BTNL2: variants seen among roughly 807,000 people sequenced by gnomAD.
BTNL2 encodes butyrophilin like 2.
BTNL2 carries 46 observed loss-of-function variants against 46.8 expected under a neutral mutation model. The ratio of observed to expected loss-of-function variants is 0.98; its 90% CI spans 0.78 to 1.26. BTNL2 has a LOEUF of 1.26. Ranked by LOEUF, BTNL2 falls within the 50% of genes most tolerant of loss-of-function variation. BTNL2 has a pLI of 0.00. For synonymous variants in BTNL2, 226 were observed against 229.1 expected, an observed-to-expected ratio of 0.99 and a Z score of 0.12; for missense variants, 461 against 592.6, an observed-to-expected ratio of 0.78 and a Z score of 2.31.
Position 32,400,755 on chromosome 6 carries a change from A to AAAAAAAAAAC in BTNL2, c.730+1029_730+1030insGTTTTTTTTT, listed in dbSNP as rs1776709608. Among the ~76,000 whole-genome samples the AAAAAAAAAAC allele has an allele frequency of 2.1e-5, 3 of 140,294 alleles. No individual in the cohort carries two copies. In the East Asian group the frequency reaches 6.4e-4, roughly 30 times the overall value. The allele number at this position is 140,294 out of a possible 152,430, so 92.0% of individuals were successfully genotyped here. Reference sequence around the variant, plus strand: ...AAACCCCGTCTCTACTAAAAAAAAAAAAAAAAAATTAGCTGGGTGTGGTGG... The same window carrying AAAAAAAAAAC: ...AAACCCCGTCTCTACTAAAAAAAAAAAAAAAAAAACAAAAAAAATTAGCTGGGTGTGGTGG... On this transcript the variant is annotated intron_variant, in intron 4 of 7. Coordinates refer to ENST00000454136, the MANE Select transcript of BTNL2 (RefSeq NM_001304561.2).
chr6:32,395,153 C>T (rs12528939), intron 5 of BTNL2, 128 bp from the exon 6 acceptor site: 108,908 of 869,476 alleles, frequency 0.13, 7,581 homozygotes, highest in Non-Finnish European at 0.13. Context: ...GGGGATTGCA[C>T]TCCACTTAGG....
Position 32,400,892 on chromosome 6 carries a change from A to G in BTNL2, c.730+893T>C, listed in dbSNP as rs556317932. On this transcript the variant is annotated intron_variant, in intron 4 of 7. Transcript: ENST00000454136. ...GGCGCCATTGCACTCCAGCTTGGGC[A>G]ACAGAGCGAGACTCCGTCTCAAAAA... Among the ~76,000 whole-genome samples, 898 of 122,690 alleles carry G rather than the reference A, an allele frequency of 7.3e-3. 7 individuals are homozygous for G. The highest frequency in any genetic ancestry group is 0.051 in the East Asian group (171 of 3,376). 80.5% of individuals were successfully genotyped at this position (122,690 alleles called of 152,430 possible). A position where few individuals can be genotyped will look rare whatever the true frequency, so the allele number is the denominator to read the frequency against.
rs1439588486 is a variant in BTNL2 at position 32,394,165 on chromosome 6, G to T, written c.1361-108C>A. On this transcript the variant is annotated intron_variant, in intron 6 of 7. Transcript: ENST00000454136. The surrounding 1 kb of genome is among the most constrained non-coding windows in gnomAD (Gnocchi z 4.6). ...GGCTGGAGAGAAGGGAGAGAATTTG[G>T]CCTCCCAGGAAGCAGTTGGCCTGCT... 6 of 1,467,228 alleles carry T rather than the reference G, an allele frequency of 4.1e-6. No homozygotes were observed. Among genetic ancestry groups the T allele is most frequent in the Non-Finnish European group, 5.5e-6 (6 of 1,099,776 alleles). The allele number at this position is 1,467,228 out of a possible 1,614,324, so 90.9% of individuals were successfully genotyped here. A position where few individuals can be genotyped will look rare whatever the true frequency, so the allele number is the denominator to read the frequency against.
rs1413252966 is a variant in BTNL2, at chr6:32,396,502, A to C, written c.731-116T>G. 1 of 1,027,424 alleles carries C rather than the reference A, an allele frequency of 9.7e-7. No individual in the cohort carries two copies. The highest frequency in any genetic ancestry group is 1.5e-6 in the Non-Finnish European group (1 of 684,418). The allele number at this position is 1,027,424 out of a possible 1,614,324, so 63.6% of individuals were successfully genotyped here. A position where few individuals can be genotyped will look rare whatever the true frequency, so the allele number is the denominator to read the frequency against. On this transcript the variant is annotated intron_variant, in intron 4 of 7. Transcript: ENST00000454136. This position sits in a 1 kb window ranked among gnomAD's most constrained non-coding sequence, Gnocchi z 4.4. ...CCATGAGCATCCCAGGGTTGCTGTG[A>C]GGCTCAGGGTCATCCTTAGGTGAGG... is the stretch of plus-strand genomic sequence containing the variant.
chr6:32,402,897 T>TC, intron 3 of BTNL2, 38 bp downstream of exon 3: 6 of 1,598,536 alleles, frequency 3.8e-6, no homozygotes, highest in Non-Finnish European at 5.1e-6. Flanking sequence ...CCTCTCCTGC[T>TC]GATCTGAGCA....
At position 32,396,379 on chromosome 6, in the gene BTNL2, T is replaced by G. The variant is rs1338037665; in HGVS notation, c.738A>C (p.Leu246Phe). The change falls in exon 5 of 8, where the codon TTA becomes TTC. Residue 246 changes from leucine (L) to phenylalanine (F), a missense_variant. Transcript: ENST00000454136. This position sits in a 1 kb window ranked among gnomAD's most constrained non-coding sequence, Gnocchi z 4.4. The part of the protein sequence containing the change: ...PEKLQTELAS[L>F]KVNGPSQPIL... ...TGGGCTGGGAAGGTCCATTCACTTTTAAAGAAGCTGTTAAATAGAGTGGAC... is the reference window on the plus strand; with the variant it reads ...TGGGCTGGGAAGGTCCATTCACTTTGAAAGAAGCTGTTAAATAGAGTGGAC... 2.5e-6 allele frequency: 4 copies of G among 1,611,990 alleles called. No homozygotes were observed. The highest frequency in any genetic ancestry group is 3.4e-6 in the Non-Finnish European group (4 of 1,179,516).
In BTNL2 at chr6:32,400,829, C is replaced by A. The variant is rs1001658282; in HGVS notation, c.730+956G>T. On this transcript the variant is annotated intron_variant, in intron 4 of 7. Transcript: ENST00000454136. Reference sequence around the variant, plus strand: ...TCAGGAGGCTGAAGCAGGAGAATAGCTTGAATCCAGGAGATGGAGGTTGCA... The same window carrying A: ...TCAGGAGGCTGAAGCAGGAGAATAGATTGAATCCAGGAGATGGAGGTTGCA... Among the ~76,000 whole-genome samples the A allele has an allele frequency of 2.8e-5, 4 of 145,418 alleles. 1 individual carries two copies. The highest frequency in any genetic ancestry group is 1.0e-4 in the African/African-American group (4 of 40,054).
rs1776630205 is a variant in BTNL2 at position 32,399,548 on chromosome 6, C to T, written c.730+2237G>A. Among the ~76,000 whole-genome samples, 1 of 152,128 alleles carries T rather than the reference C, an allele frequency of 6.6e-6. No homozygotes were observed. On this transcript the variant is annotated intron_variant, in intron 4 of 7. Transcript: ENST00000454136. The surrounding 1 kb of genome is among the most constrained non-coding windows in gnomAD (Gnocchi z 5.2). The stretch of plus-strand genomic sequence containing the variant: ...ATAGAGATGAATGAGCTGACAAAGT[C>T]ACACATAAGTAATTAAGGACTTGCA...
Position 32,394,793 on chromosome 6 carries a change from G to A in BTNL2, c.1311C>T (p.Ile437=). ...TCTCCTCGCCCAAAAAGGGGATGCT[G>A]ATGGAACAAGTGACGTCCACAGCGG... ...NISAVDVTCS[I]SIPFLGEEKI... The change falls in exon 6 of 8, where the codon ATC becomes ATT. Residue 437 remains isoleucine (I), a synonymous_variant. Coordinates refer to ENST00000454136, the MANE Select transcript of BTNL2 (RefSeq NM_001304561.2). The surrounding 1 kb of genome is among the most constrained non-coding windows in gnomAD (Gnocchi z 4.6). 1 of 1,614,116 alleles carries A rather than the reference G, an allele frequency of 6.2e-7. No individual in the cohort carries two copies. The highest frequency in any genetic ancestry group is 8.5e-7 in the Non-Finnish European group (1 of 1,179,954).
chr6:32,404,331 C>T (rs1776976521), intron 2 of BTNL2, among the ~76,000 whole-genome samples: 1 of 152,168 alleles, frequency 6.6e-6, no homozygotes, highest in Non-Finnish European at 1.5e-5. Flanking sequence ...TCCCCTTCTT[C>T]CCTACTCCTT....
At position 32,394,189 on chromosome 6, in the gene BTNL2, C is replaced by A; in HGVS notation, c.1361-132G>T. The A allele has an allele frequency of 7.9e-7, 1 of 1,260,356 alleles. No homozygotes were observed. Among genetic ancestry groups the A allele is most frequent in the Non-Finnish European group, 1.1e-6 (1 of 927,544 alleles). The allele number at this position is 1,260,356 out of a possible 1,614,324, so 78.1% of individuals were successfully genotyped here. On this transcript the variant is annotated intron_variant, in intron 6 of 7. Coordinates refer to ENST00000454136, the MANE Select transcript of BTNL2 (RefSeq NM_001304561.2). The surrounding 1 kb of genome is among the most constrained non-coding windows in gnomAD (Gnocchi z 4.6). ...GGCCTCCCAGGAAGCAGTTGGCCTG[C>A]TCCTCCCTGCTCTGGAGATGCAGAG...
Position 32,405,114 on chromosome 6 carries a change from A to C in BTNL2, c.252T>G (p.Thr84=). Residue 84 remains threonine, a synonymous_variant, in exon 2 of 8, where the codon ACT becomes ACG. Coordinates refer to ENST00000454136, the MANE Select transcript of BTNL2 (RefSeq NM_001304561.2). ...VFVHRDGVEV[T]EMQMEEYRGW... is the part of the protein sequence containing the mutation. Reference sequence around the variant, plus strand: ...CTCTGTACTCCTCCATCTGCATCTCAGTCACCTCCACTCCATCCCTGTGCA... The same window carrying C: ...CTCTGTACTCCTCCATCTGCATCTCCGTCACCTCCACTCCATCCCTGTGCA... The C allele has an allele frequency of 6.2e-7, 1 of 1,612,928 alleles. No homozygotes were observed. Among genetic ancestry groups the C allele is most frequent in the South Asian group, 1.1e-5 (1 of 91,066 alleles).
chr6:32,401,139 C>T (rs1263099929), intron 4 of BTNL2, among the ~76,000 whole-genome samples: 14 of 124,350 alleles, frequency 1.1e-4, no homozygotes, highest in Admixed American at 8.9e-4. Context: ...ACCTGGGAGG[C>T]GGAGCTTGCA....
Position 32,394,052 on chromosome 6 carries a change from TG to T in BTNL2, c.1365del (p.Arg456GlyfsTer2), listed in dbSNP as rs1347347076. 9.0e-6 allele frequency: 14 copies of T among 1,550,088 alleles called. No individual in the cohort carries two copies. The highest frequency in any genetic ancestry group is 1.2e-5 in the Non-Finnish European group (14 of 1,146,622). On this transcript the variant is annotated frameshift_variant, in exon 7 of 8. Transcript: ENST00000454136. LOFTEE classifies it low-confidence loss of function (END_TRUNC). This position sits in a 1 kb window ranked among gnomAD's most constrained non-coding sequence, Gnocchi z 4.6. ...EKIATFSLSE[S>X]RMTFLWKTLL... ...AGTGTTTTCCACAAAAACGTCATCC[TG>T]GACTCTAAAATGGAAACCCAAGAAT...
At chr6:32,403,723 G>A (rs73400843) in intron 2 of BTNL2, 6,363 of 156,566 alleles carry the variant, frequency 0.041, 146 homozygotes, top group African/African-American at 0.056. Flanking sequence ...GAAGCAAGTG[G>A]ATAAACGGGA....
Position 32,396,345 on chromosome 6 carries a change from T to A in BTNL2, c.772A>T (p.Arg258Ter), listed in dbSNP as rs752459935. The change falls in exon 5 of 8, where the codon AGA becomes TGA. Residue 258 changes from arginine (R) to a stop codon, truncating the protein, a stop_gained. Transcript: ENST00000454136. LOFTEE classifies it high-confidence loss of function. The surrounding 1 kb of genome is among the most constrained non-coding windows in gnomAD (Gnocchi z 4.4). ...VNGPSQPILV[R>*]VGEDIQLTCY... ...GTTAGCTGTATATCTTCTCCCACTCTGACGAGGATGGGCTGGGAAGGTCCA... is the reference window on the plus strand; with the variant it reads ...GTTAGCTGTATATCTTCTCCCACTCAGACGAGGATGGGCTGGGAAGGTCCA... 6.2e-7 allele frequency: 1 copy of A among 1,612,694 alleles called. No individual in the cohort carries two copies. Among genetic ancestry groups the A allele is most frequent in the Non-Finnish European group, 8.5e-7 (1 of 1,179,730 alleles).
At position 32,397,314 on chromosome 6, in the gene BTNL2, A is replaced by G. The variant is rs146676536; in HGVS notation, c.731-928T>C. On this transcript the variant is annotated intron_variant, in intron 4 of 7. Transcript: ENST00000454136. ...CACTTCTGTTAGTTGCAGGCAGCCA[A>G]CTGTTGAAACCCTGTTCAAATCGGC... Among the ~76,000 whole-genome samples, 812 of 152,332 alleles carry G rather than the reference A, an allele frequency of 5.3e-3. 9 individuals are homozygous for G. Among genetic ancestry groups the G allele is most frequent in the African/African-American group, 0.018 (767 of 41,578 alleles).
chr6:32,397,556 T>G (rs959480417), intron 4 of BTNL2, among the ~76,000 whole-genome samples: 4 of 152,246 alleles, frequency 2.6e-5, no homozygotes, highest in Admixed American at 2.6e-4. Context: ...TTCTAACACT[T>G]CAATTCTGTA....
At chr6:32,401,332 G>A (rs531551642) in intron 4 of BTNL2, among the ~76,000 whole-genome samples, 1 of 151,724 alleles carries the variant, frequency 6.6e-6, no homozygotes, top group South Asian at 2.1e-4. Context: ...CTGGGGTGAG[G>A]AGCAGGTGCA....
Sources: gnomAD v4.1 joint callset for allele counts (sites outside exome capture counted in the v4.1 genomes callset) on GRCh38, gnomAD v4.1.1 for gene constraint, Gnocchi (gnomAD v3.1) non-coding constraint, MANE v1.5 for transcripts, NCBI Gene and HGNC (gene_info 2026-07-23, HGNC 2026-07-21) for gene names.